Variants in NR4A2 observed in about 807,000 individuals in gnomAD.
NR4A2 encodes NGFI-B/nur77 beta-type transcription factor homolog.
NR4A2 carries 1 observed loss-of-function variant against 50.5 expected under a neutral mutation model. That is an observed-to-expected ratio of 0.02 (90% CI 0.01 to 0.09). The LOEUF (loss-of-function observed/expected upper bound fraction) is 0.09, where lower values mean the gene tolerates loss of function less well. NR4A2 is among the 10% of genes least tolerant of loss of function. The probability of loss-of-function intolerance (pLI) is 1.00; values close to 1 mark genes in which losing one functional copy is unlikely to be tolerated. For missense variants in NR4A2, 613 were observed against 777.3 expected, an observed-to-expected ratio of 0.79 and a Z score of 2.51; for synonymous variants, 328 against 309.4, an observed-to-expected ratio of 1.06 and a Z score of -0.63.
Position 156,325,417 on chromosome 2 carries a change from T to C in NR4A2, c.*327A>G, listed in dbSNP as rs1253073655. ...GCCAAACATTTCCCATTATACATTA[T>C]AGCAATCTTTCTTCTGAACAACAAA... On this transcript the variant is annotated 3_prime_UTR_variant, in exon 8 of 8. Coordinates refer to ENST00000339562, the MANE Select transcript of NR4A2 (RefSeq NM_006186.4). 1.1e-5 allele frequency: 4 copies of C among 372,780 alleles called. No individual in the cohort carries two copies. The highest frequency in any genetic ancestry group is 2.2e-5 in the South Asian group (1 of 44,704). The allele number at this position is 372,780 out of a possible 1,614,324, so 23.1% of individuals were successfully genotyped here. A position where few individuals can be genotyped will look rare whatever the true frequency, so the allele number is the denominator to read the frequency against.
Position 156,326,714 on chromosome 2 carries a change from T to A in NR4A2, c.1361+4A>T, listed in dbSNP as rs763795857. The A allele has an allele frequency of 6.8e-6, 11 of 1,613,768 alleles. No homozygotes were observed. The highest frequency in any genetic ancestry group is 9.3e-6 in the Non-Finnish European group (11 of 1,179,864). On this transcript the variant is annotated splice_donor_region_variant and intron_variant, in intron 6 of 7. Transcript: ENST00000339562. The surrounding 1 kb of genome is among the most constrained non-coding windows in gnomAD (Gnocchi z 4.2). The stretch of plus-strand genomic sequence containing the variant: ...CTGGATTGTCTCCCTCCCTCCCTTA[T>A]TACCTGTATGCTAATCGAAGGACAA...
Position 156,326,093 on chromosome 2 carries a change from G to A in NR4A2, c.1540+57C>T. The stretch of plus-strand genomic sequence containing the variant: ...GAGAATCTGTGACAAGGGAAACTCA[G>A]GACAAATCCTGCTAGGCAGTTCTGG... On this transcript the variant is annotated intron_variant, in intron 7 of 7. Transcript: ENST00000339562. This position sits in a 1 kb window ranked among gnomAD's most constrained non-coding sequence, Gnocchi z 4.2. 1 of 1,613,394 alleles carries A rather than the reference G, an allele frequency of 6.2e-7. No individual in the cohort carries two copies. The highest frequency in any genetic ancestry group is 1.1e-5 in the South Asian group (1 of 91,000).
intron 2 of NR4A2, 95 bp from the exon 3 acceptor site, chr2:156,330,283 G>A (rs1165648114): frequency 1.7e-5 from 25 of 1,473,070 alleles, no homozygotes; most frequent in Non-Finnish European, 2.3e-5. Flanking sequence ...GGCAGCCCGC[G>A]GCAGTCAGAG....
chr2:156,332,529 A>G lies in NR4A2; in HGVS notation c.-176T>C, dbSNP rs995327498. 5 of 1,289,024 alleles carry G rather than the reference A, an allele frequency of 3.9e-6. No homozygotes were observed. Among genetic ancestry groups the G allele is most frequent in the Non-Finnish European group, 5.1e-6 (5 of 988,584 alleles). The allele number at this position is 1,289,024 out of a possible 1,614,324, so 79.8% of individuals were successfully genotyped here. The stretch of plus-strand genomic sequence containing the variant: ...CATTCATTCAACTCTGCCGAAGTGC[A>G]GTTCCCTCTGGGAGCCCGGGCGCCG... On this transcript the variant is annotated 5_prime_UTR_variant, in exon 1 of 8. Transcript: ENST00000339562.
rs752734763 is a variant in NR4A2, at chr2:156,326,786, G to C, written c.1293C>G (p.Pro431=). Residue 431 remains proline, a synonymous_variant, in exon 6 of 8, where the codon CCC becomes CCG. Transcript: ENST00000339562. The surrounding 1 kb of genome is among the most constrained non-coding windows in gnomAD (Gnocchi z 4.2). ...CAAAAAGCAGGTCTTGGTCGGCTTT[G>C]GGCAGGTCTGCGAAGCCAGGGATCT... The part of the protein sequence containing the change: ...AEKIPGFADL[P]KADQDLLFES... 1.2e-6 allele frequency: 2 copies of C among 1,614,178 alleles called. No homozygotes were observed. The highest frequency in any genetic ancestry group is 1.7e-6 in the Non-Finnish European group (2 of 1,180,032).
chr2:156,332,363 T>TAG (rs1282395163), intron 1 of NR4A2, 117 bp downstream of exon 1: 6 of 878,736 alleles, frequency 6.8e-6, no homozygotes, highest in Non-Finnish European at 9.7e-6. Context: ...CCACTCTCAC[T>TAG]AGAAGCCTCT....
At chr2:156,327,726 A>G (rs1050312588) in intron 5 of NR4A2, 125 bp downstream of exon 5, 1 of 1,163,228 alleles carries the variant, frequency 8.6e-7, no homozygotes, top group African/African-American at 1.5e-5. Context: ...CAGAGCTGCG[A>G]GGCATATACA....
Position 156,328,203 on chromosome 2 carries a change from G to A in NR4A2, c.995-189C>T, listed in dbSNP as rs1364755059. ...GGTTATTTTATGTCTTCCTCCAAAT[G>A]GGTCGTATAGTTAAAGGAGAGAAGG... On this transcript the variant is annotated intron_variant, in intron 4 of 7. Coordinates refer to ENST00000339562, the MANE Select transcript of NR4A2 (RefSeq NM_006186.4). This position sits in a 1 kb window ranked among gnomAD's most constrained non-coding sequence, Gnocchi z 4.9. Among the ~76,000 whole-genome samples the A allele has an allele frequency of 6.6e-6, 1 of 152,224 alleles. No individual in the cohort carries two copies. Among genetic ancestry groups the A allele is most frequent in the African/African-American group, 2.4e-5 (1 of 41,462 alleles).
chr2:156,332,548 G>C lies in NR4A2; in HGVS notation c.-195C>G. 7.8e-7 allele frequency: 1 copy of C among 1,286,528 alleles called. No homozygotes were observed. Among genetic ancestry groups the C allele is most frequent in the Non-Finnish European group, 1.0e-6 (1 of 986,516 alleles). 79.7% of individuals were successfully genotyped at this position (1,286,528 alleles called of 1,614,324 possible). Reference sequence around the variant, plus strand: ...AAGTGCAGTTCCCTCTGGGAGCCCGGGCGCCGGGGTCGGGTAGGGGTGGGA... The same window carrying C: ...AAGTGCAGTTCCCTCTGGGAGCCCGCGCGCCGGGGTCGGGTAGGGGTGGGA... On this transcript the variant is annotated 5_prime_UTR_variant, in exon 1 of 8. Coordinates refer to ENST00000339562, the MANE Select transcript of NR4A2 (RefSeq NM_006186.4).
rs1264941398 is a variant in NR4A2 at position 156,326,457 on chromosome 2, G to C, written c.1362-129C>G. ...ATTACTGAAGAGTTAATAAAATGTA[G>C]ACCAGTGGACCTTGAAAGGGTTTAA... is the stretch of plus-strand genomic sequence containing the variant. On this transcript the variant is annotated intron_variant, in intron 6 of 7. Transcript: ENST00000339562. This position sits in a 1 kb window ranked among gnomAD's most constrained non-coding sequence, Gnocchi z 4.2. The C allele has an allele frequency of 1.1e-6, 1 of 945,646 alleles. No individual in the cohort carries two copies. Among genetic ancestry groups the C allele is most frequent in the Non-Finnish European group, 1.7e-6 (1 of 598,690 alleles). 58.6% of individuals were successfully genotyped at this position (945,646 alleles called of 1,614,324 possible).
At position 156,329,558 on chromosome 2, in the gene NR4A2, T is replaced by C; in HGVS notation, c.629A>G (p.His210Arg). The change falls in exon 3 of 8, where the codon CAC becomes CGC. Residue 210 changes from histidine to arginine, a missense_variant. By Grantham distance (29) the His-to-Arg change is conservative. This residue lies in a region of NR4A2 where 275 missense variants were observed against 248.9 expected (regional missense o/e 1.10). Transcript: ENST00000339562. This position sits in a 1 kb window ranked among gnomAD's most constrained non-coding sequence, Gnocchi z 7.5. ...VPMNPEPAGS[H>R]HVVDGQTFAV... ...GAAGGTCTGCCCGTCCACCACGTGG[T>C]GGCTGCCGGCGGGCTCCGGGTTCAT... 4.4e-6 allele frequency: 7 copies of C among 1,603,452 alleles called. No individual in the cohort carries two copies. In the South Asian group the frequency reaches 7.7e-5, roughly 18 times the overall value.
In NR4A2 at chr2:156,331,331, C is replaced by T. The variant is rs761494758; in HGVS notation, c.-126-540G>A. Among the ~76,000 whole-genome samples, 7 of 152,144 alleles carry T rather than the reference C, an allele frequency of 4.6e-5. No homozygotes were observed. The East Asian group carries it at 7.7e-4, about 17-fold the overall frequency. On this transcript the variant is annotated intron_variant, in intron 1 of 7. Transcript: ENST00000339562. ...AGAAGGCAAGTTGAGTGGAAGCATCCGCACTTCTAAAGTGCTTTTGACAGA... is the reference window on the plus strand; with the variant it reads ...AGAAGGCAAGTTGAGTGGAAGCATCTGCACTTCTAAAGTGCTTTTGACAGA...
intron 1 of NR4A2, 126 bp from the exon 2 acceptor site, chr2:156,330,917 C>T: frequency 9.0e-6 from 7 of 775,210 alleles, no homozygotes; most frequent in Non-Finnish European, 1.1e-5. Flanking sequence ...GAGTGGGAAG[C>T]CTTTACCAAA....
Position 156,328,627 on chromosome 2 carries a change from G to T in NR4A2, c.865-94C>A. 6.9e-7 allele frequency: 1 copy of T among 1,452,340 alleles called. No individual in the cohort carries two copies. Among genetic ancestry groups the T allele is most frequent in the South Asian group, 1.2e-5 (1 of 86,944 alleles). The allele number at this position is 1,452,340 out of a possible 1,614,324, so 90.0% of individuals were successfully genotyped here. On this transcript the variant is annotated intron_variant, in intron 3 of 7. Transcript: ENST00000339562. The surrounding 1 kb of genome is among the most constrained non-coding windows in gnomAD (Gnocchi z 4.9). ...TTTCTGTTATGTGACTGGGGTCTAC[G>T]ATTCCTCCCCACAAACAAACACATA... is the stretch of plus-strand genomic sequence containing the variant.
At position 156,328,898 on chromosome 2, in the gene NR4A2, A is replaced by G. The variant is rs1216679084; in HGVS notation, c.865-365T>C. ...TTTAAAATGATAAGATTATTCAATC[A>G]GGATGGCGAAATAAAGAGATCACTT... On this transcript the variant is annotated intron_variant, in intron 3 of 7. Coordinates refer to ENST00000339562, the MANE Select transcript of NR4A2 (RefSeq NM_006186.4). This position sits in a 1 kb window ranked among gnomAD's most constrained non-coding sequence, Gnocchi z 4.9. Among the ~76,000 whole-genome samples the G allele has an allele frequency of 1.3e-5, 2 of 152,212 alleles. No individual in the cohort carries two copies. Among genetic ancestry groups the G allele is most frequent in the African/African-American group, 4.8e-5 (2 of 41,456 alleles).
chr2:156,325,894 G>A lies in NR4A2; in HGVS notation c.1647C>T (p.Pro549=). 6.2e-7 allele frequency: 1 copy of A among 1,614,190 alleles called. No homozygotes were observed. The highest frequency in any genetic ancestry group is 8.5e-7 in the Non-Finnish European group (1 of 1,180,044). ...TCCCCAACAGTTTGGACAAATAATTGGGGCGGTTCAACCCCCCATTGTTGA... is the reference window on the plus strand; with the variant it reads ...TCCCCAACAGTTTGGACAAATAATTAGGGCGGTTCAACCCCCCATTGTTGA... The part of the protein sequence containing the change: ...VTFNNGGLNR[P]NYLSKLLGKL... Residue 549 remains proline (P), a synonymous_variant, in exon 8 of 8, where the codon CCC becomes CCT. Coordinates refer to ENST00000339562, the MANE Select transcript of NR4A2 (RefSeq NM_006186.4).
Position 156,326,578 on chromosome 2 carries a change from T to C in NR4A2, c.1361+140A>G. The C allele has an allele frequency of 9.1e-7, 1 of 1,101,712 alleles. No homozygotes were observed. Among genetic ancestry groups the C allele is most frequent in the Non-Finnish European group, 1.3e-6 (1 of 749,036 alleles). 68.2% of individuals were successfully genotyped at this position (1,101,712 alleles called of 1,614,324 possible). A position where few individuals can be genotyped will look rare whatever the true frequency, so the allele number is the denominator to read the frequency against. ...TTCTCGTCTTTTTTTGTTTTCTTTC[T>C]TTTTCTTCCTTTCTCCGACTTCCAT... On this transcript the variant is annotated intron_variant, in intron 6 of 7. Coordinates refer to ENST00000339562, the MANE Select transcript of NR4A2 (RefSeq NM_006186.4). This position sits in a 1 kb window ranked among gnomAD's most constrained non-coding sequence, Gnocchi z 4.2.
intron 5 of NR4A2, among the ~76,000 whole-genome samples, chr2:156,327,498 G>A (rs1686702116): frequency 6.6e-6 from 1 of 152,146 alleles, no homozygotes; most frequent in Non-Finnish European, 1.5e-5. Context: ...TGGGAATAAA[G>A]TAGATTGGGA....
In NR4A2 at chr2:156,328,054, C is replaced by A. The variant is rs763068811; in HGVS notation, c.995-40G>T. 8.8e-6 allele frequency: 14 copies of A among 1,583,960 alleles called. No individual in the cohort carries two copies. Among genetic ancestry groups the A allele is most frequent in the Non-Finnish European group, 3.4e-6 (4 of 1,163,470 alleles). On this transcript the variant is annotated intron_variant, in intron 4 of 7. Coordinates refer to ENST00000339562, the MANE Select transcript of NR4A2 (RefSeq NM_006186.4). This position sits in a 1 kb window ranked among gnomAD's most constrained non-coding sequence, Gnocchi z 4.9. ...CCCTGTTAGCGCCGCTTTTCCGAGC[C>A]CAGGCCCAGCTGCTGCCTCGGTCCC...
Sources: allele counts gnomAD v4.1 joint callset (sites outside exome capture counted in the v4.1 genomes callset), GRCh38; gene constraint gnomAD v4.1.1; regional missense constraint gnomAD v4.1.1; non-coding constraint Gnocchi (gnomAD v3.1); transcripts MANE v1.5; gene names NCBI Gene and HGNC (gene_info 2026-07-23, HGNC 2026-07-21).